CFAP74: variants seen among roughly 807,000 people sequenced by gnomAD.
CFAP74 encodes cilia- and flagella-associated protein 74.
A neutral mutation model predicts 188.9 loss-of-function variants in CFAP74; 124 were observed. The observed-to-expected ratio is 0.66, with a 90% CI of 0.57 to 0.76. CFAP74 has a LOEUF of 0.76. Ranked by LOEUF, CFAP74 falls within the 30% of genes least tolerant of loss-of-function variation. The probability of loss-of-function intolerance (pLI) is 0.00; values close to 1 mark genes in which losing one functional copy is unlikely to be tolerated. For missense variants in CFAP74, 2,198 were observed against 2,165.2 expected (o/e 1.02, Z -0.30); for synonymous variants, 956 against 916.7 (o/e 1.04, Z -0.77).
chr1:1,944,303 C>T (rs1653598226), intron 21 of CFAP74, 28 bp downstream of exon 21: 2 of 1,530,936 alleles, frequency 1.3e-6, no homozygotes, highest in Non-Finnish European at 8.7e-7. Flanking sequence ...GTGGGTCACC[C>T]CGTGTGCATG....
chr1:1,942,634 G>C lies in CFAP74; in HGVS notation c.2487-478C>G, dbSNP rs574879151. 6.6e-6 allele frequency among the ~76,000 whole-genome samples: 1 copy of C among 152,106 alleles called. No homozygotes were observed. Among genetic ancestry groups the C allele is most frequent in the Non-Finnish European group, 1.5e-5 (1 of 67,996 alleles). On this transcript the variant is annotated intron_variant, in intron 21 of 38. Coordinates refer to ENST00000682832, the MANE Select transcript of CFAP74 (RefSeq NM_001304360.2). The surrounding 1 kb of genome is among the most constrained non-coding windows in gnomAD (Gnocchi z 4.3). ...ATGACAGCAGCCTCCAACCCAAGAC[G>C]AGCCTGAGAGAGCCAAGGTACCCGC... is the stretch of plus-strand genomic sequence containing the variant.
In CFAP74 at chr1:1,973,171, G is replaced by C; in HGVS notation, c.675-124C>G. On this transcript the variant is annotated intron_variant, in intron 7 of 38. Coordinates refer to ENST00000682832, the MANE Select transcript of CFAP74 (RefSeq NM_001304360.2). This position sits in a 1 kb window ranked among gnomAD's most constrained non-coding sequence, Gnocchi z 6.2. The stretch of plus-strand genomic sequence containing the variant: ...GGGCCCTTTCGCTCAGCTCTGTCCC[G>C]CACAGCCTCCCTTGGGGAGGAGCGA... 1 of 664,260 alleles carries C rather than the reference G, an allele frequency of 1.5e-6. No individual in the cohort carries two copies. Among genetic ancestry groups the C allele is most frequent in the East Asian group, 2.8e-5 (1 of 36,318 alleles). The allele number at this position is 664,260 out of a possible 1,614,324, so 41.1% of individuals were successfully genotyped here.
intron 6 of CFAP74, among the ~76,000 whole-genome samples, chr1:1,978,074 C>T (rs951034584): frequency 3.3e-5 from 5 of 152,176 alleles, no homozygotes; most frequent in African/African-American, 9.7e-5. Context: ...TCTCAAACTC[C>T]GGGGCTCAAG....
At chr1:1,982,065 AGCCGTGGTC>A (rs1656919159) in intron 6 of CFAP74, among the ~76,000 whole-genome samples, 1 of 136,988 alleles carries the variant, frequency 7.3e-6, no homozygotes, top group Admixed American at 7.2e-5. Flanking sequence ...CAGGACACCC[AGCCGTGGTC>A]ACATGCGGGG....
chr1:1,950,335 CA>C (rs145381493), intron 18 of CFAP74, among the ~76,000 whole-genome samples: 6 of 149,174 alleles, frequency 4.0e-5, no homozygotes, highest in South Asian at 2.1e-4. Context: ...GTCTTTTGCC[CA>C]TTTTTTTTTT....
chr1:1,969,299 AGCCCAGCCCTGCACT>A (rs1388823036), intron 10 of CFAP74, among the ~76,000 whole-genome samples: 2 of 93,400 alleles, frequency 2.1e-5, no homozygotes, highest in African/African-American at 4.2e-5. Flanking sequence ...AGGCCTTCCC[AGCCCAGCCCTGCACT>A]GCCCAGCCCT....
chr1:1,964,552 G>A (rs113680873), intron 13 of CFAP74, among the ~76,000 whole-genome samples: 4,812 of 152,356 alleles, frequency 0.032, 266 homozygotes, highest in African/African-American at 0.11. Flanking sequence ...CACTTTGGGA[G>A]GCTGAGGCGG....
intron 18 of CFAP74, among the ~76,000 whole-genome samples, chr1:1,948,934 T>TCCCCCCCTTCTTTCCTTCCCTTTCCCTC (rs140432652): frequency 2.5e-5 from 1 of 40,758 alleles, no homozygotes; most frequent in African/African-American, 5.9e-5. Flanking sequence ...CCTTCCTCTT[T>TCCCCCCCTTCTTTCCTTCCCTTTCCCTC]CCTCCCTTCC....
At chr1:1,944,508 G>A in intron 20 of CFAP74, 56 bp from the exon 21 acceptor site, 1 of 1,520,708 alleles carries the variant, frequency 6.6e-7, no homozygotes, top group Non-Finnish European at 8.8e-7. Flanking sequence ...AGCAGGCATT[G>A]TTGGTGAGCA....
At chr1:1,967,679 C>T (rs1655566034) in intron 11 of CFAP74, among the ~76,000 whole-genome samples, 2 of 152,172 alleles carry the variant, frequency 1.3e-5, no homozygotes, top group African/African-American at 4.8e-5. Flanking sequence ...CTTTCTCTTT[C>T]CCAGCAGGGC....
intron 21 of CFAP74, among the ~76,000 whole-genome samples, chr1:1,943,292 G>C (rs146788359): frequency 7.3e-4 from 111 of 152,332 alleles, no homozygotes; most frequent in Non-Finnish European, 8.7e-4. Flanking sequence ...CCGGAGGCGA[G>C]CAGACTCCAC....
At position 1,970,751 on chromosome 1, in the gene CFAP74, C is replaced by T. The variant is rs1655898914; in HGVS notation, c.954G>A (p.Gln318=). The change falls in exon 10 of 39, where the codon CAG becomes CAA. Residue 318 remains glutamine, a synonymous_variant. Coordinates refer to ENST00000682832, the MANE Select transcript of CFAP74 (RefSeq NM_001304360.2). ...GGGCCAGAATCGCCTTCTTCTCAGC[C>T]TGGACCCTCTGCTCCGCCAGCTCTG... ...AKAELAEQRV[Q]AEKKAILAQG... 1.2e-6 allele frequency: 2 copies of T among 1,614,080 alleles called. No homozygotes were observed. The highest frequency in any genetic ancestry group is 2.2e-5 in the East Asian group (1 of 44,896).
At chr1:1,950,778 C>T (rs781033614) in intron 18 of CFAP74, among the ~76,000 whole-genome samples, 5 of 152,162 alleles carry the variant, frequency 3.3e-5, no homozygotes, top group Admixed American at 6.5e-5. Flanking sequence ...CTCTTAACAG[C>T]GTCTTTCAAA....
rs1311458772 is a variant in CFAP74, at chr1:1,922,292, G to T, written c.4915C>A (p.Pro1639Thr). ...AGGGTGCTCTGTGCAGAGGCTTAGG[G>T]GCCAGTCAACACCTGGGCTACAAAG... Reference protein sequence around the residue: ...VIFVAQVLTGP With the variant: ...VIFVAQVLTGT Residue 1639 changes from proline to threonine, a missense_variant, in exon 39 of 39, where the codon CCC becomes ACC. Physicochemically the swap from Pro to Thr is conservative, Grantham distance 38 (BLOSUM62 -1). Coordinates refer to ENST00000682832, the MANE Select transcript of CFAP74 (RefSeq NM_001304360.2). 6.2e-7 allele frequency: 1 copy of T among 1,608,624 alleles called. No individual in the cohort carries two copies. The highest frequency in any genetic ancestry group is 8.5e-7 in the Non-Finnish European group (1 of 1,178,240).
At position 1,941,212 on chromosome 1, in the gene CFAP74, G is replaced by A. The variant is rs942127959; in HGVS notation, c.2616-809C>T. ...AGGCGGCCGGCGGGGGCAAGTCCAG[G>A]AAGCAGCCGATTTTAAGCTCAGCTC... On this transcript the variant is annotated intron_variant, in intron 22 of 38. Coordinates refer to ENST00000682832, the MANE Select transcript of CFAP74 (RefSeq NM_001304360.2). Among the ~76,000 whole-genome samples, 6 of 152,210 alleles carry A rather than the reference G, an allele frequency of 3.9e-5. No homozygotes were observed. In the South Asian group the frequency reaches 8.3e-4, roughly 21 times the overall value.
At chr1:1,957,767 G>C (rs1051543862) in intron 16 of CFAP74, among the ~76,000 whole-genome samples, 190 of 139,126 alleles carry the variant, frequency 1.4e-3, no homozygotes, top group African/African-American at 6.0e-3. Flanking sequence ...GGCTGTCTGC[G>C]GGGGGGCGGG....
chr1:1,985,142 GAA>G (rs1657151091), intron 6 of CFAP74: 1 of 461,216 alleles, frequency 2.2e-6, no homozygotes, highest in African/African-American at 1.9e-5. Context: ...GAGAAACGAG[GAA>G]AGAGGAAAAA....
chr1:1,948,883 T>TTCCCTCCC (rs1653968552), intron 18 of CFAP74, among the ~76,000 whole-genome samples: 4 of 127,492 alleles, frequency 3.1e-5, no homozygotes, highest in Non-Finnish European at 5.2e-5. Flanking sequence ...AATTCCTTCC[T>TTCCCTCCC]TCCTTCCCTC....
intron 18 of CFAP74, chr1:1,955,121 G>C (rs541310552): frequency 1.7e-6 from 2 of 1,172,896 alleles, no homozygotes; most frequent in East Asian, 7.4e-5. Flanking sequence ...GCTCCGCGCT[G>C]AGCTGCAGGG....
Sources: allele counts gnomAD v4.1 joint callset (sites outside exome capture counted in the v4.1 genomes callset), GRCh38; gene constraint gnomAD v4.1.1; non-coding constraint Gnocchi (gnomAD v3.1); transcripts MANE v1.5; gene names NCBI Gene and HGNC (gene_info 2026-07-23, HGNC 2026-07-21).